Variants in FST observed in about 807,000 individuals in gnomAD.
FST encodes the protein follistatin.
A neutral mutation model predicts 38.4 loss-of-function variants in FST; 6 were observed. The ratio of observed to expected loss-of-function variants is 0.16; its 90% CI spans 0.09 to 0.31. FST has a LOEUF of 0.31. Ranked by LOEUF, FST falls within the 10% of genes least tolerant of loss-of-function variation. The pLI is 1.00. For missense variants in FST, 301 were observed against 432.3 expected, an observed-to-expected ratio of 0.70 and a Z score of 2.69; for synonymous variants, 157 against 169.8, an observed-to-expected ratio of 0.92 and a Z score of 0.59.
intron 1 of FST, 42 bp downstream of exon 1, chr5:53,480,918 A>G (rs1554047564): frequency 3.4e-6 from 4 of 1,162,546 alleles, no homozygotes; most frequent in Non-Finnish European, 4.9e-6. Context: ...GGCTGAGGAC[A>G]GGGGGGTCGA....
chr5:53,485,665 A>G, intron 5 of FST: 1 of 1,484,012 alleles, frequency 6.7e-7, no homozygotes, highest in Non-Finnish European at 9.4e-7. Context: ...AGAACACAAG[A>G]GCGCTTTTTA....
In FST at chr5:53,486,161, A is replaced by T. The variant is rs1210304629; in HGVS notation, c.*128A>T. The T allele has an allele frequency of 1.8e-6, 1 of 547,836 alleles. No homozygotes were observed. The highest frequency in any genetic ancestry group is 3.3e-5 in the East Asian group (1 of 30,654). 33.9% of individuals were successfully genotyped at this position (547,836 alleles called of 1,614,324 possible). A position where few individuals can be genotyped will look rare whatever the true frequency, so the allele number is the denominator to read the frequency against. ...AGTGTATGCTTATTTATTTGGGGGG[A>T]AAACTATACATTAAAGGACCTTTGT... On this transcript the variant is annotated 3_prime_UTR_variant, in exon 6 of 6. Transcript: ENST00000256759.
intron 1 of FST, 65 bp from the exon 2 acceptor site, chr5:53,482,815 G>T: frequency 1.1e-6 from 1 of 908,406 alleles, no homozygotes; most frequent in Middle Eastern, 3.4e-4. Context: ...TAGCCACCTC[G>T]CTCTCCCTGC....
chr5:53,487,085 ATT>A lies in FST; in HGVS notation c.*1054_*1055del, dbSNP rs1358361267. The A allele has an allele frequency of 6.6e-6, 1 of 152,234 alleles. No individual in the cohort carries two copies. Among genetic ancestry groups the A allele is most frequent in the Admixed American group, 6.5e-5 (1 of 15,284 alleles). The allele number at this position is 152,234 out of a possible 1,614,324, so 9.4% of individuals were successfully genotyped here. ...AATGTATATAAAAGTTATAATGTGT[ATT>A]TGTAAATAAATGATGAGTGAAAAAA... On this transcript the variant is annotated 3_prime_UTR_variant, in exon 6 of 6. Transcript: ENST00000256759.
chr5:53,485,768 T>A (rs1481404008), intron 5 of FST, 183 bp from the exon 6 acceptor site: 18 of 1,591,958 alleles, frequency 1.1e-5, no homozygotes, highest in Non-Finnish European at 1.4e-5. Context: ...TTTAAAAAAA[T>A]TTTTTTAACT....
chr5:53,484,375 G>C, intron 4 of FST, 82 bp downstream of exon 4: 1 of 1,424,072 alleles, frequency 7.0e-7, no homozygotes, highest in Non-Finnish European at 9.5e-7. Context: ...AATAAGTAAA[G>C]CCCAAGGCGT....
rs1747525097 is a variant in FST, at chr5:53,486,002, G to C, written c.1004G>C (p.Ser335Thr). Residue 335 changes from serine (S) to threonine (T), a missense_variant, in exon 6 of 6, where the codon AGC becomes ACC. By Grantham distance (58) the Ser-to-Thr change is moderately conservative. Coordinates refer to ENST00000256759, the MANE Select transcript of FST (RefSeq NM_013409.3). ...EEEEDEDQDY[S>T]FPISSILEW is the part of the protein sequence containing the mutation. ...GAGGAAGATGAAGACCAGGACTACAGCTTTCCTATATCTTCTATTCTAGAG... is the reference window on the plus strand; with the variant it reads ...GAGGAAGATGAAGACCAGGACTACACCTTTCCTATATCTTCTATTCTAGAG... The C allele has an allele frequency of 1.3e-6, 2 of 1,579,520 alleles. No individual in the cohort carries two copies. Among genetic ancestry groups the C allele is most frequent in the African/African-American group, 2.9e-5 (2 of 69,772 alleles).
chr5:53,483,341 G>A lies in FST; in HGVS notation c.278-163G>A, dbSNP rs1747355112. 6.6e-6 allele frequency among the ~76,000 whole-genome samples: 1 copy of A among 152,170 alleles called. No individual in the cohort carries two copies. Among genetic ancestry groups the A allele is most frequent in the Non-Finnish European group, 1.5e-5 (1 of 68,012 alleles). ...GATCTGGGTGTGGGGCACAGCCCAA[G>A]GTCCACACTCTTTCACCAACTCCCA... is the stretch of plus-strand genomic sequence containing the variant. On this transcript the variant is annotated intron_variant, in intron 2 of 5. Transcript: ENST00000256759. The surrounding 1 kb of genome is among the most constrained non-coding windows in gnomAD (Gnocchi z 4.1).
chr5:53,482,081 G>T (rs1215799579), intron 1 of FST, among the ~76,000 whole-genome samples: 1 of 152,252 alleles, frequency 6.6e-6, no homozygotes, highest in Non-Finnish European at 1.5e-5. Context: ...GTGGCCGCGG[G>T]CGTGCTCCGG....
chr5:53,485,867 G>C (rs1274696564), intron 5 of FST, 84 bp from the exon 6 acceptor site: 2 of 1,596,292 alleles, frequency 1.3e-6, no homozygotes, highest in Non-Finnish European at 1.7e-6. Flanking sequence ...CTGTATCAGA[G>C]GGCTTTGAAA....
At chr5:53,484,329 A>G (rs780829816) in intron 4 of FST, 36 bp downstream of exon 4, 5 of 1,598,760 alleles carry the variant, frequency 3.1e-6, no homozygotes, top group African/African-American at 1.3e-5. Context: ...AAAAGAGAAA[A>G]CAGGCTAGTT....
chr5:53,484,363 C>G (rs1747421427), intron 4 of FST, 70 bp downstream of exon 4: 3 of 1,522,258 alleles, frequency 2.0e-6, no homozygotes, highest in Non-Finnish European at 2.7e-6. Context: ...GTGGGGTTAA[C>G]TAATAAGTAA....
At chr5:53,481,120 G>T (rs1579758449) in intron 1 of FST, among the ~76,000 whole-genome samples, 1 of 152,004 alleles carries the variant, frequency 6.6e-6, no homozygotes. Context: ...AGTAGTTAGG[G>T]TTAAATGCTC....
intron 1 of FST, 76 bp downstream of exon 1, chr5:53,480,952 C>G: frequency 1.5e-6 from 1 of 653,308 alleles, no homozygotes; most frequent in Non-Finnish European, 2.5e-6. Flanking sequence ...TCCACTTGGT[C>G]TGTTCTGAGC....
Position 53,483,274 on chromosome 5 carries a change from T to C in FST, c.277+203T>C, listed in dbSNP as rs549696589. On this transcript the variant is annotated intron_variant, in intron 2 of 5. Transcript: ENST00000256759. The surrounding 1 kb of genome is among the most constrained non-coding windows in gnomAD (Gnocchi z 4.1). ...ATACACGCCAGACTTCTTAGCCAAG[T>C]GTGGTGGTGAAACCCACCAACCTGT... is the stretch of plus-strand genomic sequence containing the variant. Among the ~76,000 whole-genome samples the C allele has an allele frequency of 9.8e-5, 15 of 152,326 alleles. No homozygotes were observed. The East Asian group carries it at 2.1e-3, about 22-fold the overall frequency.
Position 53,483,785 on chromosome 5 carries a change from A to G in FST, c.496+63A>G. ...CCTCCTCCAGCTTTGTACCTAAAGT[A>G]GACCCTCTAGAAGACCCTTGGGGGA... On this transcript the variant is annotated intron_variant, in intron 3 of 5. Transcript: ENST00000256759. This position sits in a 1 kb window ranked among gnomAD's most constrained non-coding sequence, Gnocchi z 4.1. The G allele has an allele frequency of 8.2e-7, 1 of 1,219,870 alleles. No individual in the cohort carries two copies. Among genetic ancestry groups the G allele is most frequent in the Non-Finnish European group, 1.2e-6 (1 of 834,054 alleles). The allele number at this position is 1,219,870 out of a possible 1,614,324, so 75.6% of individuals were successfully genotyped here. A position where few individuals can be genotyped will look rare whatever the true frequency, so the allele number is the denominator to read the frequency against.
intron 1 of FST, 163 bp from the exon 2 acceptor site, chr5:53,482,717 C>T: frequency 5.3e-6 from 3 of 563,434 alleles, no homozygotes; most frequent in Non-Finnish European, 9.7e-6. Context: ...CCACCCCTTT[C>T]GATTTATTTC....
chr5:53,481,524 A>T (rs1052306138), intron 1 of FST, among the ~76,000 whole-genome samples: 1 of 147,236 alleles, frequency 6.8e-6, no homozygotes. Context: ...AGCACTTTAC[A>T]GTTTTTTTCC....
At position 53,486,079 on chromosome 5, in the gene FST, A is replaced by AAAG; in HGVS notation, c.*48_*49insGAA. On this transcript the variant is annotated 3_prime_UTR_variant, in exon 6 of 6. Transcript: ENST00000256759. Reference sequence around the variant, plus strand: ...GTTGACATAGCCTTTGTGCAAAAAAAAAAAAAAAAAAAAAGAAAAAGAAAA... The same window carrying AAAG: ...GTTGACATAGCCTTTGTGCAAAAAAAAAGAAAAAAAAAAAAAAGAAAAAGAAAA... The AAAG allele has an allele frequency of 1.2e-6, 1 of 810,456 alleles. No homozygotes were observed. Among genetic ancestry groups the AAAG allele is most frequent in the Non-Finnish European group, 1.9e-6 (1 of 520,292 alleles). 50.2% of individuals were successfully genotyped at this position (810,456 alleles called of 1,614,324 possible). A position where few individuals can be genotyped will look rare whatever the true frequency, so the allele number is the denominator to read the frequency against.
Sources: allele counts gnomAD v4.1 joint callset (sites outside exome capture counted in the v4.1 genomes callset), GRCh38; gene constraint gnomAD v4.1.1; non-coding constraint Gnocchi (gnomAD v3.1); transcripts MANE v1.5; gene names NCBI Gene and HGNC (gene_info 2026-07-23, HGNC 2026-07-21).